CADM2: variants seen among roughly 807,000 people sequenced by gnomAD.
CADM2 encodes immunoglobulin superfamily member 4D.
CADM2 carries 12 observed loss-of-function variants against 49.8 expected under a neutral mutation model. The ratio of observed to expected loss-of-function variants is 0.24; its 90% confidence interval spans 0.15 to 0.39. CADM2 has a LOEUF of 0.39. CADM2 is among the 10% of genes least tolerant of loss of function. The pLI is 1.00. For missense variants in CADM2, 378 were observed against 492.3 expected (o/e 0.77, Z 2.20); for synonymous variants, 214 against 175.4 (o/e 1.22, Z -1.74).
intron 3 of CADM2, among the ~76,000 whole-genome samples, chr3:85,832,192 T>A (rs187186078): frequency 6.6e-6 from 1 of 151,880 alleles, no homozygotes; most frequent in East Asian, 1.9e-4. Context: ...GCTGTGTGTG[T>A]CTGTTTTTGC....
At chr3:86,061,987 G>GT (rs1738703737) in intron 8 of CADM2, among the ~76,000 whole-genome samples, 1 of 47,886 alleles carries the variant, frequency 2.1e-5, no homozygotes, top group Non-Finnish European at 4.2e-5. Context: ...TGTTGATGGT[G>GT]GGGGGGGGGT....
chr3:85,629,379 G>T (rs1018707696), intron 1 of CADM2, among the ~76,000 whole-genome samples: 1 of 151,718 alleles, frequency 6.6e-6, no homozygotes, highest in African/African-American at 2.4e-5. Context: ...AAAACCTGAT[G>T]ATACGGATAT....
chr3:85,387,254 T>G (rs547534001), intron 1 of CADM2, among the ~76,000 whole-genome samples: 1 of 152,188 alleles, frequency 6.6e-6, no homozygotes, highest in African/African-American at 2.4e-5. Flanking sequence ...AATTAACTTC[T>G]GTTTTGCATG....
chr3:85,493,272 C>T (rs940317963), intron 1 of CADM2, among the ~76,000 whole-genome samples: 1 of 152,052 alleles, frequency 6.6e-6, no homozygotes, highest in African/African-American at 2.4e-5. Context: ...GAGAGTGCTT[C>T]CTTCTTGTAT....
intron 1 of CADM2, among the ~76,000 whole-genome samples, chr3:85,087,338 G>C (rs540534891): frequency 6.6e-6 from 1 of 151,998 alleles, no homozygotes; most frequent in South Asian, 2.1e-4. Flanking sequence ...TTTTCATCTG[G>C]ATATATTTGG....
chr3:85,966,061 G>T (rs1725434988), intron 8 of CADM2, among the ~76,000 whole-genome samples: 2 of 151,604 alleles, frequency 1.3e-5, no homozygotes, highest in African/African-American at 4.8e-5. Context: ...ACTCATTAGA[G>T]AAATTAATAA....
chr3:85,118,969 G>A (rs1380728679), intron 1 of CADM2, among the ~76,000 whole-genome samples: 2 of 152,098 alleles, frequency 1.3e-5, no homozygotes, highest in East Asian at 1.9e-4. Context: ...GGCTGGTCTC[G>A]AACTCCCAAC....
At chr3:85,872,491 A>AT (rs2075967420) in intron 3 of CADM2, among the ~76,000 whole-genome samples, 1 of 151,810 alleles carries the variant, frequency 6.6e-6, no homozygotes, top group South Asian at 2.1e-4. Flanking sequence ...TAAAAAAAAA[A>AT]GCCTTTATTA....
intron 1 of CADM2, among the ~76,000 whole-genome samples, chr3:85,149,493 G>T (rs912631140): frequency 3.9e-5 from 6 of 152,168 alleles, no homozygotes; most frequent in Non-Finnish European, 4.4e-5. Context: ...TTGGGAGGCT[G>T]AGGCAGGCGG....
intron 1 of CADM2, among the ~76,000 whole-genome samples, chr3:85,713,075 T>G (rs2067164173): frequency 2.6e-5 from 4 of 152,136 alleles, no homozygotes; most frequent in Admixed American, 2.6e-4. Context: ...CTGTAATTTA[T>G]CTCTTAAAAC....
chr3:85,276,195 A>C (rs370072499), intron 1 of CADM2, among the ~76,000 whole-genome samples: 1 of 151,350 alleles, frequency 6.6e-6, no homozygotes, highest in South Asian at 2.1e-4. Flanking sequence ...ATACACACAC[A>C]TCACAATTCC....
chr3:86,044,266 G>T (rs1194605464), intron 8 of CADM2, among the ~76,000 whole-genome samples: 2 of 152,182 alleles, frequency 1.3e-5, no homozygotes, highest in Non-Finnish European at 2.9e-5. Flanking sequence ...CCATCAGAGT[G>T]AACAGGCAAC....
At chr3:85,167,421 A>C (rs2040500133) in intron 1 of CADM2, among the ~76,000 whole-genome samples, 1 of 152,112 alleles carries the variant, frequency 6.6e-6, no homozygotes, top group Non-Finnish European at 1.5e-5. Context: ...TAATTTATAG[A>C]TCCCTAATTT....
intron 1 of CADM2, among the ~76,000 whole-genome samples, chr3:85,658,088 A>C (rs1398631119): frequency 1.3e-5 from 2 of 152,114 alleles, no homozygotes. Context: ...GATTTAGTTA[A>C]GATATGTGGT....
intron 1 of CADM2, among the ~76,000 whole-genome samples, chr3:85,431,223 A>G (rs111429184): frequency 1.3e-5 from 2 of 152,118 alleles, no homozygotes; most frequent in African/African-American, 4.8e-5. Flanking sequence ...CATATTATCT[A>G]GTTTTATGTA....
chr3:85,305,912 A>G (rs185773116), intron 1 of CADM2, among the ~76,000 whole-genome samples: 7 of 151,772 alleles, frequency 4.6e-5, no homozygotes, highest in African/African-American at 1.7e-4. Flanking sequence ...CATTTAGCAA[A>G]TAAACTTGTC....
chr3:86,043,831 C>T (rs1736271726), intron 8 of CADM2, among the ~76,000 whole-genome samples: 1 of 152,142 alleles, frequency 6.6e-6, no homozygotes, highest in Non-Finnish European at 1.5e-5. Context: ...CTACAGTAAA[C>T]AAAACAGCAT....
At chr3:85,880,199 T>A (rs1276143720) in intron 3 of CADM2, among the ~76,000 whole-genome samples, 1 of 152,228 alleles carries the variant, frequency 6.6e-6, no homozygotes, top group Non-Finnish European at 1.5e-5. Flanking sequence ...AGTCTACTAG[T>A]AGCAACATTT....
At chr3:85,958,350 G>C (rs1442776732) in intron 7 of CADM2, among the ~76,000 whole-genome samples, 1 of 152,016 alleles carries the variant, frequency 6.6e-6, no homozygotes, top group East Asian at 1.9e-4. Context: ...CTGTTGGTGG[G>C]AATGTAAATT....
Sources: allele counts gnomAD v4.1 joint callset (sites outside exome capture counted in the v4.1 genomes callset), GRCh38; gene constraint gnomAD v4.1.1; transcripts MANE v1.5; gene names NCBI Gene and HGNC (gene_info 2026-07-23, HGNC 2026-07-21).